The following ADGRB3 variants were observed in gnomAD, a reference collection of about 807,000 sequenced individuals.
ADGRB3 encodes the protein brain-specific angiogenesis inhibitor 3.
In ADGRB3, 37 loss-of-function variants were observed where a neutral mutation model predicts 193.4. The ratio of observed to expected loss-of-function variants is 0.19; its 90% CI spans 0.15 to 0.25. The LOEUF (loss-of-function observed/expected upper bound fraction) is 0.25. Ranked by LOEUF, ADGRB3 falls within the 10% of genes least tolerant of loss-of-function variation. ADGRB3 has a pLI of 1.00. For missense variants in ADGRB3, 1,637 were observed against 1,852.9 expected (o/e 0.88, Z 2.14); for synonymous variants, 690 against 644.2 (o/e 1.07, Z -1.08).
intron 3 of ADGRB3, among the ~76,000 whole-genome samples, chr6:68,648,792 AT>A (rs60135541): frequency 0.036 from 5,375 of 149,038 alleles, 304 homozygotes; most frequent in African/African-American, 0.13. Context: ...AATTTTGATA[AT>A]TTTTTTTTAA....
At chr6:68,650,314 G>T (rs1410409812) in intron 3 of ADGRB3, among the ~76,000 whole-genome samples, 2 of 151,768 alleles carry the variant, frequency 1.3e-5, no homozygotes, top group African/African-American at 2.4e-5. Flanking sequence ...GGCCCTCTAG[G>T]TTTTTTTCGG....
At chr6:69,001,203 A>G (rs1769567413) in intron 11 of ADGRB3, among the ~76,000 whole-genome samples, 1 of 152,266 alleles carries the variant, frequency 6.6e-6, no homozygotes, top group Non-Finnish European at 1.5e-5. Flanking sequence ...AGTTAGGTAC[A>G]GAAATACTCA....
At chr6:69,358,261 C>G (rs1008370947) in intron 28 of ADGRB3, among the ~76,000 whole-genome samples, 6 of 151,806 alleles carry the variant, frequency 4.0e-5, no homozygotes, top group Non-Finnish European at 7.4e-5. Context: ...CTAACCCAGG[C>G]CTTTGGGGTC....
intron 17 of ADGRB3, among the ~76,000 whole-genome samples, chr6:69,210,126 A>G (rs1765626532): frequency 8.4e-6 from 1 of 118,672 alleles, no homozygotes; most frequent in Non-Finnish European, 1.8e-5. Flanking sequence ...ACACACTCAT[A>G]TATATCATAT....
At chr6:69,215,735 T>C (rs929006279) in intron 17 of ADGRB3, among the ~76,000 whole-genome samples, 3 of 152,098 alleles carry the variant, frequency 2.0e-5, no homozygotes, top group African/African-American at 4.8e-5. Flanking sequence ...GCTTTGTCCA[T>C]TCTCTCACAA....
At chr6:69,282,033 C>T (rs1360955798) in intron 20 of ADGRB3, among the ~76,000 whole-genome samples, 2 of 152,044 alleles carry the variant, frequency 1.3e-5, no homozygotes, top group African/African-American at 2.4e-5. Context: ...AAGTCTGGCT[C>T]GCATTGTGCT....
chr6:69,325,545 G>T (rs1561988128), intron 21 of ADGRB3, among the ~76,000 whole-genome samples: 1 of 152,158 alleles, frequency 6.6e-6, no homozygotes, highest in Non-Finnish European at 1.5e-5. Context: ...GACAGACTGA[G>T]AACTAATTCT....
intron 30 of ADGRB3, among the ~76,000 whole-genome samples, chr6:69,378,188 A>G (rs925080639): frequency 6.6e-6 from 1 of 152,084 alleles, no homozygotes; most frequent in African/African-American, 2.4e-5. Flanking sequence ...TAAAAATATA[A>G]TTGCAGTACT....
intron 24 of ADGRB3, among the ~76,000 whole-genome samples, chr6:69,337,534 G>A (rs1170731668): frequency 1.3e-5 from 2 of 152,124 alleles, no homozygotes; most frequent in Non-Finnish European, 2.9e-5. Flanking sequence ...GTACACATCG[G>A]CGTGTCCAAT....
intron 20 of ADGRB3, among the ~76,000 whole-genome samples, chr6:69,315,722 C>T (rs1768296589): frequency 6.6e-6 from 1 of 151,160 alleles, no homozygotes. Flanking sequence ...TATTTTATTC[C>T]ATGTGAATAG....
rs756198444 is a variant in ADGRB3 at position 69,354,365 on chromosome 6, A to G, written c.3555+37A>G. 4 of 1,513,118 alleles carry G rather than the reference A, an allele frequency of 2.6e-6. No individual in the cohort carries two copies. The South Asian group carries it at 3.4e-5, about 13-fold the overall frequency. The allele number at this position is 1,513,118 out of a possible 1,614,324, so 93.7% of individuals were successfully genotyped here. On this transcript the variant is annotated intron_variant, in intron 27 of 31. Transcript: ENST00000370598. ...TTTTTCCCCGATTGTTAATTAACTC[A>G]TGATTTCTCAAGGGAATAAAAGAAA...
chr6:69,047,326 A>G (rs1461663979), intron 13 of ADGRB3, among the ~76,000 whole-genome samples: 2 of 151,756 alleles, frequency 1.3e-5, no homozygotes, highest in Non-Finnish European at 2.9e-5. Context: ...CTTATAATCT[A>G]GACATGCTGG....
In ADGRB3 at chr6:68,776,551, C is replaced by T. The variant is rs147518052; in HGVS notation, c.757+137119C>T. Among the ~76,000 whole-genome samples the T allele has an allele frequency of 7.9e-5, 12 of 152,268 alleles. No individual in the cohort carries two copies. The South Asian group carries it at 8.3e-4, about 11-fold the overall frequency. On this transcript the variant is annotated intron_variant, in intron 3 of 31. Coordinates refer to ENST00000370598, the MANE Select transcript of ADGRB3 (RefSeq NM_001704.3). ...ACTTTCTGCTAAATGCAGACTCCCA[C>T]TCTTAAACATTGGTGAGAGAAGCCT...
intron 3 of ADGRB3, among the ~76,000 whole-genome samples, chr6:68,770,503 A>C (rs1347121691): frequency 6.6e-6 from 1 of 152,074 alleles, no homozygotes; most frequent in African/African-American, 2.4e-5. Flanking sequence ...TAGATGAAAT[A>C]ATTAATTTTC....
At chr6:69,059,129 G>C (rs551433381) in intron 15 of ADGRB3, among the ~76,000 whole-genome samples, 1 of 151,840 alleles carries the variant, frequency 6.6e-6, no homozygotes, top group South Asian at 2.1e-4. Context: ...TCACATGTTT[G>C]GGTGCTATGA....
At chr6:68,643,923 C>A (rs1474957986) in intron 3 of ADGRB3, among the ~76,000 whole-genome samples, 4 of 146,202 alleles carry the variant, frequency 2.7e-5, no homozygotes, top group African/African-American at 1.0e-4. Flanking sequence ...CAGAGCAAGA[C>A]TCTATCAGAA....
chr6:68,838,760 A>G (rs1181554252), intron 3 of ADGRB3, among the ~76,000 whole-genome samples: 2 of 152,218 alleles, frequency 1.3e-5, no homozygotes, highest in East Asian at 3.8e-4. Context: ...CAAAGTGGAT[A>G]TGCTGTTTCA....
chr6:69,068,152 C>A (rs960344775), intron 16 of ADGRB3, among the ~76,000 whole-genome samples: 1 of 152,082 alleles, frequency 6.6e-6, no homozygotes, highest in Non-Finnish European at 1.5e-5. Context: ...CTGTGTGATA[C>A]GCAGAATAGT....
intron 17 of ADGRB3, among the ~76,000 whole-genome samples, chr6:69,227,978 G>A (rs539130605): frequency 3.9e-5 from 6 of 152,284 alleles, no homozygotes; most frequent in South Asian, 2.1e-4. Flanking sequence ...TACATGGGCC[G>A]GGTGTGGTGG....
Sources: allele counts gnomAD v4.1 joint callset (sites outside exome capture counted in the v4.1 genomes callset), GRCh38; gene constraint gnomAD v4.1.1; transcripts MANE v1.5; gene names NCBI Gene and HGNC (gene_info 2026-07-23, HGNC 2026-07-21).